TNS4: variants seen among roughly 807,000 people sequenced by gnomAD.
TNS4 encodes tensin-4.
In TNS4, 46 loss-of-function variants were observed where a neutral mutation model predicts 70.4. The observed-to-expected ratio is 0.65, with a 90% CI of 0.52 to 0.84. The LOEUF (loss-of-function observed/expected upper bound fraction) is 0.84. TNS4 is among the 40% of genes least tolerant of loss of function. The pLI, the probability that TNS4 is intolerant of heterozygous loss-of-function variation, is 0.00. For synonymous variants in TNS4, 390 were observed against 366.6 expected (o/e 1.06, Z -0.73); for missense variants, 863 against 907.0 (o/e 0.95, Z 0.62).
chr17:40,485,055 G>A, intron 4 of TNS4, 48 bp from the exon 5 acceptor site: 2 of 1,531,766 alleles, frequency 1.3e-6, no homozygotes, highest in Non-Finnish European at 1.8e-6. Flanking sequence ...ACAGACGGGA[G>A]CTGAGGGATG....
At chr17:40,493,317 T>A (rs912289555) in intron 2 of TNS4, among the ~76,000 whole-genome samples, 2 of 152,012 alleles carry the variant, frequency 1.3e-5, no homozygotes, top group Admixed American at 1.3e-4. Context: ...AGCCCAAAAG[T>A]AGGAAGGATG....
chr17:40,484,503 C>CT lies in TNS4; in HGVS notation c.1481_1482insA (p.Ser495ValfsTer8), dbSNP rs2035966004. 1.9e-6 allele frequency: 3 copies of CT among 1,611,398 alleles called. No individual in the cohort carries two copies. Among genetic ancestry groups the CT allele is most frequent in the Non-Finnish European group, 2.5e-6 (3 of 1,179,996 alleles). Reference sequence around the variant, plus strand: ...GCATACCTGGTCGACTCTGAGCAGACGCGGGAACCTCCTGCACCTTCAGGG... The same window carrying CT: ...GCATACCTGGTCGACTCTGAGCAGACTGCGGGAACCTCCTGCACCTTCAGGG... On this transcript the variant is annotated frameshift_variant, in exon 6 of 13. Coordinates refer to ENST00000254051, the MANE Select transcript of TNS4 (RefSeq NM_032865.6). LOFTEE classifies it high-confidence loss of function.
In TNS4 at chr17:40,500,158, C is replaced by T. The variant is rs115963456; in HGVS notation, c.-96+1376G>A. On this transcript the variant is annotated intron_variant, in intron 1 of 12. Transcript: ENST00000254051. Reference sequence around the variant, plus strand: ...TTTAAACCCAGGTGGTCTTGCTCCACGGTCCCACACTTTTAGCCTCTGCTG... The same window carrying T: ...TTTAAACCCAGGTGGTCTTGCTCCATGGTCCCACACTTTTAGCCTCTGCTG... Among the ~76,000 whole-genome samples the T allele has an allele frequency of 3.9e-3, 592 of 152,344 alleles. 3 individuals carry two copies. Among genetic ancestry groups the T allele is most frequent in the African/African-American group, 0.014 (567 of 41,572 alleles).
At chr17:40,485,030 G>A (rs751894394) in intron 4 of TNS4, 23 bp from the exon 5 acceptor site, 10 of 1,608,728 alleles carry the variant, frequency 6.2e-6, no homozygotes, top group Non-Finnish European at 7.7e-6. Context: ...AGAGAAGGGG[G>A]ACCCTGTAGG....
chr17:40,485,215 A>G (rs985122356), intron 4 of TNS4, among the ~76,000 whole-genome samples: 1 of 152,216 alleles, frequency 6.6e-6, no homozygotes, highest in Non-Finnish European at 1.5e-5. Context: ...GTGCATCTAG[A>G]ACTCAGAAGT....
intron 9 of TNS4, 89 bp from the exon 10 acceptor site, chr17:40,479,931 G>C (rs1159330185): frequency 9.7e-6 from 14 of 1,441,306 alleles, no homozygotes; most frequent in African/African-American, 1.4e-5. Flanking sequence ...TGAGTCTCCT[G>C]TTCAGGAATC....
intron 6 of TNS4, 150 bp downstream of exon 6, chr17:40,484,334 G>A: frequency 8.0e-7 from 1 of 1,247,096 alleles, no homozygotes; most frequent in Non-Finnish European, 1.1e-6. Flanking sequence ...GAGGGCATCG[G>A]GGAGAACACT....
At position 40,482,472 on chromosome 17, in the gene TNS4, G is replaced by A. The variant is rs551759035; in HGVS notation, c.1502-56C>T. 693 of 1,562,540 alleles carry A rather than the reference G, an allele frequency of 4.4e-4. 2 individuals carry two copies. Among genetic ancestry groups the A allele is most frequent in the South Asian group, 1.4e-3 (129 of 89,860 alleles). On this transcript the variant is annotated intron_variant, in intron 6 of 12. Transcript: ENST00000254051. The stretch of plus-strand genomic sequence containing the variant: ...AGAATTCCACCTTGTGGCCGGGCGC[G>A]GTGGCTCACGCCTGTAATCCCAGCA...
chr17:40,484,853 C>T lies in TNS4; in HGVS notation c.1375+68G>A, dbSNP rs2035971010. 2.5e-6 allele frequency: 4 copies of T among 1,569,846 alleles called. No homozygotes were observed. The South Asian group carries it at 3.3e-5, about 13-fold the overall frequency. On this transcript the variant is annotated intron_variant, in intron 5 of 12. Coordinates refer to ENST00000254051, the MANE Select transcript of TNS4 (RefSeq NM_032865.6). ...TATTTGCCATTCCTTAACTGTAACCCAGGGCCCTGCCTGATGCAAAGTGCA... is the reference window on the plus strand; with the variant it reads ...TATTTGCCATTCCTTAACTGTAACCTAGGGCCCTGCCTGATGCAAAGTGCA...
chr17:40,483,528 T>C (rs2035953530), intron 6 of TNS4, among the ~76,000 whole-genome samples: 1 of 152,188 alleles, frequency 6.6e-6, no homozygotes, highest in Non-Finnish European at 1.5e-5. Context: ...TTTAGATAAA[T>C]GTCGACTCTT....
rs1352404630 is a variant in TNS4, at chr17:40,476,244, G to A, written c.*1344C>T. 1 of 150,868 alleles carries A rather than the reference G, an allele frequency of 6.6e-6. No individual in the cohort carries two copies. The highest frequency in any genetic ancestry group is 1.5e-5 in the Non-Finnish European group (1 of 67,574). 9.3% of individuals were successfully genotyped at this position (150,868 alleles called of 1,614,324 possible). ...TGGAGGCTGGGTGGGGGTGGGGTGG[G>A]GGTGGGTGTGGGATAGAGCCCAGCT... On this transcript the variant is annotated 3_prime_UTR_variant, in exon 13 of 13. Coordinates refer to ENST00000254051, the MANE Select transcript of TNS4 (RefSeq NM_032865.6).
intron 2 of TNS4, among the ~76,000 whole-genome samples, chr17:40,494,163 G>C (rs567762988): frequency 6.6e-6 from 1 of 152,244 alleles, no homozygotes; most frequent in Non-Finnish European, 1.5e-5. Context: ...CTAGCCCAAC[G>C]TGCAACCCCA....
At chr17:40,490,128 T>C (rs74972943) in intron 2 of TNS4, among the ~76,000 whole-genome samples, 2,014 of 152,244 alleles carry the variant, frequency 0.013, 46 homozygotes, top group African/African-American at 0.046. Context: ...GCACAGGGCT[T>C]GCTGCATTCT....
intron 12 of TNS4, 96 bp from the exon 13 acceptor site, chr17:40,477,825 T>A: frequency 8.4e-7 from 1 of 1,197,026 alleles, no homozygotes. Flanking sequence ...CTGCATCTCA[T>A]TCCTCCCTGC....
chr17:40,478,566 A>T lies in TNS4; in HGVS notation c.1979+14T>A. On this transcript the variant is annotated intron_variant, in intron 11 of 12. Coordinates refer to ENST00000254051, the MANE Select transcript of TNS4 (RefSeq NM_032865.6). ...CTGGACAGCCTTCTTAGTTTGGCCCAGCCTTGAACTTACTTCCGTTGCTCA... is the reference window on the plus strand; with the variant it reads ...CTGGACAGCCTTCTTAGTTTGGCCCTGCCTTGAACTTACTTCCGTTGCTCA... 1 of 1,614,000 alleles carries T rather than the reference A, an allele frequency of 6.2e-7. No homozygotes were observed. The highest frequency in any genetic ancestry group is 8.5e-7 in the Non-Finnish European group (1 of 1,179,898).
At chr17:40,492,035 C>T (rs1038458898) in intron 2 of TNS4, among the ~76,000 whole-genome samples, 1 of 152,090 alleles carries the variant, frequency 6.6e-6, no homozygotes, top group African/African-American at 2.4e-5. Context: ...GGGATGGGGG[C>T]CCCCAGGGCA....
In TNS4 at chr17:40,477,337, A is replaced by G; in HGVS notation, c.*251T>C. ...GGAGGAGCATGTTCAAATGCCCACCAGCATCTAAGAACAGCTGATCTTGTC... is the reference window on the plus strand; with the variant it reads ...GGAGGAGCATGTTCAAATGCCCACCGGCATCTAAGAACAGCTGATCTTGTC... On this transcript the variant is annotated 3_prime_UTR_variant, in exon 13 of 13. Transcript: ENST00000254051. 6.3e-6 allele frequency: 3 copies of G among 473,192 alleles called. No individual in the cohort carries two copies. Among genetic ancestry groups the G allele is most frequent in the East Asian group, 3.5e-5 (1 of 28,404 alleles). 29.3% of individuals were successfully genotyped at this position (473,192 alleles called of 1,614,324 possible).
At chr17:40,490,256 G>A (rs1216933521) in intron 2 of TNS4, among the ~76,000 whole-genome samples, 8 of 152,232 alleles carry the variant, frequency 5.3e-5, no homozygotes, top group Non-Finnish European at 1.2e-4. Flanking sequence ...CAGGACTCTT[G>A]GGATTCTGAG....
chr17:40,482,201 G>A lies in TNS4; in HGVS notation c.1600C>T (p.Leu534Phe), dbSNP rs552759932. ...GAATGCTGGCACACGAAGGCAGAGAGGCTCCCTGAAAGGAAGCAAGCAGCC... is the reference window on the plus strand; with the variant it reads ...GAATGCTGGCACACGAAGGCAGAGAAGCTCCCTGAAAGGAAGCAAGCAGCC... ...GADEEPYFGSLSAFVCQHSIM... is the reference protein window; with the variant it reads ...GADEEPYFGSFSAFVCQHSIM... Residue 534 changes from leucine (L) to phenylalanine (F), a missense_variant, in exon 8 of 13, where the codon CTC becomes TTC. Physicochemically the swap from Leu to Phe is conservative, Grantham distance 22. Coordinates refer to ENST00000254051, the MANE Select transcript of TNS4 (RefSeq NM_032865.6). The A allele has an allele frequency of 6.2e-7, 1 of 1,614,216 alleles. No homozygotes were observed. The highest frequency in any genetic ancestry group is 1.1e-5 in the South Asian group (1 of 91,086).
Sources: gnomAD v4.1 joint callset for allele counts (sites outside exome capture counted in the v4.1 genomes callset) on GRCh38, gnomAD v4.1.1 for gene constraint, MANE v1.5 for transcripts, NCBI Gene and HGNC (gene_info 2026-07-23, HGNC 2026-07-21) for gene names.